Variants in KLHL29 observed in about 807,000 individuals in gnomAD.
KLHL29 encodes the protein kelch-like protein 29.
Under a neutral mutation model 80.4 loss-of-function variants are expected in KLHL29, and 21 were observed. The ratio of observed to expected loss-of-function variants is 0.26; its 90% confidence interval spans 0.19 to 0.38. The LOEUF (loss-of-function observed/expected upper bound fraction) is 0.38, where lower values mean the gene tolerates loss of function less well. Ranked by LOEUF, KLHL29 falls within the 10% of genes least tolerant of loss-of-function variation. The pLI is 1.00. For missense variants in KLHL29, 867 were observed against 1,223.9 expected, an observed-to-expected ratio of 0.71 and a Z score of 4.35; for synonymous variants, 511 against 526.8, an observed-to-expected ratio of 0.97 and a Z score of 0.41.
rs532632844 is a variant in KLHL29 at position 23,647,634 on chromosome 2, C to T, written c.940+4784C>T. 3.2e-4 allele frequency among the ~76,000 whole-genome samples: 48 copies of T among 152,304 alleles called. No homozygotes were observed. Among genetic ancestry groups the T allele is most frequent in the African/African-American group, 1.1e-3 (44 of 41,566 alleles). On this transcript the variant is annotated intron_variant, in intron 5 of 13. Transcript: ENST00000486442. The surrounding 1 kb of genome is among the most constrained non-coding windows in gnomAD (Gnocchi z 4.9). ...GTGCATTCCTTCCAGTCTGGCTCTA[C>T]GGTGCTGCCAGAGTGATTTTTCAAA...
At chr2:23,518,432 G>A (rs540591081) in intron 2 of KLHL29, among the ~76,000 whole-genome samples, 14 of 152,308 alleles carry the variant, frequency 9.2e-5, no homozygotes, top group South Asian at 2.1e-4. Flanking sequence ...AGAGAGGGGG[G>A]ATCTTCCCTT....
chr2:23,576,647 C>T (rs1434425293), intron 3 of KLHL29, among the ~76,000 whole-genome samples: 2 of 152,236 alleles, frequency 1.3e-5, no homozygotes, highest in African/African-American at 4.8e-5. Flanking sequence ...GATCTGACCA[C>T]TCACCGGACC....
At position 23,385,548 on chromosome 2, in the gene KLHL29, C is replaced by A; in HGVS notation, c.-386C>A. Reference sequence around the variant, plus strand: ...GACCGACTTCCCTCTCCCGGGCATCCTCCCTGGGCTGCCGGGAGGCGGCGG... The same window carrying A: ...GACCGACTTCCCTCTCCCGGGCATCATCCCTGGGCTGCCGGGAGGCGGCGG... On this transcript the variant is annotated 5_prime_UTR_variant, in exon 1 of 14. Transcript: ENST00000486442. 1 of 169,654 alleles carries A rather than the reference C, an allele frequency of 5.9e-6. No homozygotes were observed. Among genetic ancestry groups the A allele is most frequent in the South Asian group, 1.8e-4 (1 of 5,638 alleles). The allele number at this position is 169,654 out of a possible 1,614,324, so 10.5% of individuals were successfully genotyped here.
At chr2:23,672,993 C>A (rs961598148) in intron 5 of KLHL29, among the ~76,000 whole-genome samples, 1 of 152,206 alleles carries the variant, frequency 6.6e-6, no homozygotes, top group Non-Finnish European at 1.5e-5. Context: ...AGAGACAAAG[C>A]TGATGCTCTC....
chr2:23,517,631 G>T (rs564489877), intron 2 of KLHL29, among the ~76,000 whole-genome samples: 189 of 141,108 alleles, frequency 1.3e-3, no homozygotes, highest in African/African-American at 4.8e-3. Flanking sequence ...AACATGTGCA[G>T]AGTGGATACA....
At chr2:23,500,690 T>TA (rs1219578317) in intron 2 of KLHL29, among the ~76,000 whole-genome samples, 1 of 152,200 alleles carries the variant, frequency 6.6e-6, no homozygotes, top group South Asian at 2.1e-4. Flanking sequence ...TTTAGGTTTA[T>TA]AAAAAAACTG....
At chr2:23,408,531 T>C (rs1360664407) in intron 1 of KLHL29, among the ~76,000 whole-genome samples, 1 of 152,216 alleles carries the variant, frequency 6.6e-6, no homozygotes, top group Admixed American at 6.5e-5. Flanking sequence ...TTCATTCCTA[T>C]ATGTTACATA....
chr2:23,699,161 G>T (rs1367965281), intron 11 of KLHL29, among the ~76,000 whole-genome samples: 1 of 152,236 alleles, frequency 6.6e-6, no homozygotes, highest in East Asian at 1.9e-4. Flanking sequence ...CCCTCGCTCA[G>T]AGGCAGAGGC....
chr2:23,471,155 G>C (rs1339156373), intron 1 of KLHL29, among the ~76,000 whole-genome samples: 1 of 152,154 alleles, frequency 6.6e-6, no homozygotes, highest in Non-Finnish European at 1.5e-5. Context: ...AAGGAAGAAA[G>C]ACTCTTTGTT....
Position 23,434,039 on chromosome 2 carries a change from C to T in KLHL29, c.-153-41521C>T, listed in dbSNP as rs112532941. Among the ~76,000 whole-genome samples the T allele has an allele frequency of 9.2e-3, 1,404 of 152,116 alleles. 26 individuals carry two copies. The highest frequency in any genetic ancestry group is 0.032 in the African/African-American group (1,332 of 41,532). ...TAGAGCCCTTTAAAAAGCTAGGCTC[C>T]GGCCGGGCGCGGTGGCTCACGCCTG... is the stretch of plus-strand genomic sequence containing the variant. On this transcript the variant is annotated intron_variant, in intron 1 of 13. Transcript: ENST00000486442.
chr2:23,590,901 G>A (rs996039308), intron 3 of KLHL29, among the ~76,000 whole-genome samples: 1 of 152,174 alleles, frequency 6.6e-6, no homozygotes, highest in African/African-American at 2.4e-5. Context: ...GTGCTGAAGT[G>A]AGAGGCCCTG....
At chr2:23,614,763 G>C (rs1668958253) in intron 3 of KLHL29, among the ~76,000 whole-genome samples, 1 of 152,204 alleles carries the variant, frequency 6.6e-6, no homozygotes, top group Non-Finnish European at 1.5e-5. Context: ...GGTCACTCGG[G>C]TCGCTGATCG....
intron 2 of KLHL29, among the ~76,000 whole-genome samples, chr2:23,508,600 C>T (rs1665674275): frequency 1.3e-5 from 2 of 152,236 alleles, no homozygotes; most frequent in African/African-American, 4.8e-5. Flanking sequence ...GGGGGAGTGT[C>T]GAGGTTCTAG....
At chr2:23,550,634 T>G (rs1402212611) in intron 2 of KLHL29, among the ~76,000 whole-genome samples, 1 of 152,236 alleles carries the variant, frequency 6.6e-6, no homozygotes, top group Non-Finnish European at 1.5e-5. Context: ...GCCGGCCATG[T>G]GACAGCCGTT....
chr2:23,644,937 G>A (rs1042770529), intron 5 of KLHL29, among the ~76,000 whole-genome samples: 4 of 152,172 alleles, frequency 2.6e-5, no homozygotes, highest in African/African-American at 9.7e-5. Flanking sequence ...ACAACTGACC[G>A]GTCCATCACC....
At chr2:23,426,843 G>A (rs567416470) in intron 1 of KLHL29, among the ~76,000 whole-genome samples, 3 of 152,292 alleles carry the variant, frequency 2.0e-5, no homozygotes, top group African/African-American at 7.2e-5. Context: ...TTCTAGCGGG[G>A]GGTGATACAG....
chr2:23,589,996 C>G (rs1170173853), intron 3 of KLHL29, among the ~76,000 whole-genome samples: 2 of 152,254 alleles, frequency 1.3e-5, no homozygotes, highest in Non-Finnish European at 2.9e-5. Context: ...CCAGCCAGCC[C>G]TTCCAAAGGG....
intron 1 of KLHL29, among the ~76,000 whole-genome samples, chr2:23,418,242 C>T (rs1662655882): frequency 6.6e-6 from 1 of 152,188 alleles, no homozygotes; most frequent in Admixed American, 6.5e-5. Flanking sequence ...CTGGACCCCG[C>T]CATGGAGCCA....
intron 5 of KLHL29, among the ~76,000 whole-genome samples, chr2:23,654,621 C>T (rs1670183892): frequency 7.7e-6 from 1 of 129,712 alleles, no homozygotes; most frequent in Non-Finnish European, 1.6e-5. Context: ...GGGCTGGGGT[C>T]GGGAGTGCCA....
Sources: allele counts gnomAD v4.1 joint callset (sites outside exome capture counted in the v4.1 genomes callset), GRCh38; gene constraint gnomAD v4.1.1; non-coding constraint Gnocchi (gnomAD v3.1); transcripts MANE v1.5; gene names NCBI Gene and HGNC (gene_info 2026-07-23, HGNC 2026-07-21).